SLC40A1: variants seen among roughly 807,000 people sequenced by gnomAD.
SLC40A1 encodes ferroportin.
A neutral mutation model predicts 53.5 loss-of-function variants in SLC40A1; 16 were observed. That is an observed-to-expected ratio of 0.30 (90% CI 0.20 to 0.45). SLC40A1 has a LOEUF of 0.45. Among genes scored for constraint, SLC40A1 ranks in the 20% least tolerant of loss-of-function variants. SLC40A1 has a pLI of 1.00. For missense variants in SLC40A1, 545 were observed against 695.4 expected, an observed-to-expected ratio of 0.78 and a Z score of 2.43; for synonymous variants, 247 against 253.2, an observed-to-expected ratio of 0.98 and a Z score of 0.23.
chr2:189,564,639 G>A (rs2030871690), intron 6 of SLC40A1, among the ~76,000 whole-genome samples: 2 of 152,124 alleles, frequency 1.3e-5, no homozygotes, highest in South Asian at 2.1e-4. Flanking sequence ...AGGAGATCAA[G>A]ACCATCCTGG....
At chr2:189,580,028 T>C (rs2031405968) in intron 1 of SLC40A1, 148 bp from the exon 2 acceptor site, 6 of 832,598 alleles carry the variant, frequency 7.2e-6, no homozygotes, top group South Asian at 4.4e-5. Context: ...AAGTTACCTA[T>C]GAACCGATGT....
intron 1 of SLC40A1, among the ~76,000 whole-genome samples, chr2:189,580,183 T>G (rs375818553): frequency 2.6e-5 from 4 of 152,162 alleles, no homozygotes; most frequent in Non-Finnish European, 5.9e-5. Flanking sequence ...GTTTCTTTTT[T>G]ACACAAGGCA....
chr2:189,566,769 A>T (rs1299973160), intron 5 of SLC40A1, among the ~76,000 whole-genome samples: 1 of 152,210 alleles, frequency 6.6e-6, no homozygotes, highest in African/African-American at 2.4e-5. Context: ...AAGCCAGGTC[A>T]TTGACGAAAG....
At chr2:189,569,394 T>G (rs942929728) in intron 5 of SLC40A1, among the ~76,000 whole-genome samples, 1 of 152,210 alleles carries the variant, frequency 6.6e-6, no homozygotes, top group African/African-American at 2.4e-5. Context: ...TCAGCCTGCA[T>G]AAACACAAAT....
At chr2:189,563,492 G>T in intron 7 of SLC40A1, 92 bp downstream of exon 7, 1 of 1,181,872 alleles carries the variant, frequency 8.5e-7, no homozygotes, top group South Asian at 1.6e-5. Context: ...TAACATTTAG[G>T]GAACATTTCA....
chr2:189,571,617 C>A (rs1366591576), intron 5 of SLC40A1, 98 bp downstream of exon 5: 2 of 1,535,856 alleles, frequency 1.3e-6, no homozygotes, highest in Non-Finnish European at 1.8e-6. Context: ...TTAAAAAATA[C>A]CCAGAACAAA....
In SLC40A1 at chr2:189,572,912, T is replaced by A; in HGVS notation, c.321A>T (p.Gly107=). ...VVQNVSVILC[G]IILMMVFLHK... Reference sequence around the variant, plus strand: ...GTAAGAAAACCATCATCAGGATGATTCCACACAGGATGACTGAAACATTCT... The same window carrying A: ...GTAAGAAAACCATCATCAGGATGATACCACACAGGATGACTGAAACATTCT... The change falls in exon 4 of 8, where the codon GGA becomes GGT. Residue 107 remains glycine (G), a synonymous_variant. Transcript: ENST00000261024. 1 of 1,614,042 alleles carries A rather than the reference T, an allele frequency of 6.2e-7. No individual in the cohort carries two copies. The highest frequency in any genetic ancestry group is 8.5e-7 in the Non-Finnish European group (1 of 1,179,922).
chr2:189,564,696 C>T (rs542774400), intron 6 of SLC40A1, among the ~76,000 whole-genome samples: 5 of 152,078 alleles, frequency 3.3e-5, no homozygotes, highest in South Asian at 2.1e-4. Context: ...AAAAATTAGC[C>T]GGGTGTGGTG....
chr2:189,572,619 C>T (rs967398506), intron 4 of SLC40A1: 6 of 582,982 alleles, frequency 1.0e-5, no homozygotes, highest in African/African-American at 9.4e-5. Flanking sequence ...CTTAGAAATG[C>T]CATTAGAAAC....
At position 189,568,358 on chromosome 2, in the gene SLC40A1, G is replaced by A. The variant is rs575517164; in HGVS notation, c.515-2759C>T. ...AAAAAAATTAGCCGGGCATGGTGGC[G>A]GGCGCCTGTAGTCACAGCTACTCAG... On this transcript the variant is annotated intron_variant, in intron 5 of 7. Transcript: ENST00000261024. Among the ~76,000 whole-genome samples the A allele has an allele frequency of 5.4e-3, 823 of 152,192 alleles. 2 individuals are homozygous for A. The highest frequency in any genetic ancestry group is 9.0e-3 in the Non-Finnish European group (613 of 68,004).
intron 3 of SLC40A1, among the ~76,000 whole-genome samples, chr2:189,573,286 A>G (rs1410183484): frequency 1.3e-5 from 2 of 152,222 alleles, no homozygotes; most frequent in Non-Finnish European, 2.9e-5. Context: ...TGATATAGAC[A>G]TGATCCACAT....
chr2:189,578,249 C>G (rs2031353212), intron 2 of SLC40A1: 1 of 998,984 alleles, frequency 1.0e-6, no homozygotes, highest in African/African-American at 1.7e-5. Flanking sequence ...CTTTTGCACT[C>G]CTTTGCAGCG....
At chr2:189,578,151 A>T in intron 2 of SLC40A1, 1 of 922,406 alleles carries the variant, frequency 1.1e-6, no homozygotes, top group Non-Finnish European at 1.3e-6. Context: ...ACAGAAACAT[A>T]AATGTTTTGT....
intron 5 of SLC40A1, among the ~76,000 whole-genome samples, chr2:189,569,969 T>A (rs1006346368): frequency 6.7e-6 from 1 of 149,136 alleles, no homozygotes; most frequent in African/African-American, 2.4e-5. Flanking sequence ...TGTATATATA[T>A]GTATGTATAT....
Position 189,561,209 on chromosome 2 carries a change from C to T in SLC40A1, c.*669G>A, listed in dbSNP as rs2030727632. The T allele has an allele frequency of 6.6e-6, 1 of 152,274 alleles. No individual in the cohort carries two copies. Among genetic ancestry groups the T allele is most frequent in the African/African-American group, 2.4e-5 (1 of 41,462 alleles). 9.4% of individuals were successfully genotyped at this position (152,274 alleles called of 1,614,324 possible). On this transcript the variant is annotated 3_prime_UTR_variant, in exon 8 of 8. Coordinates refer to ENST00000261024, the MANE Select transcript of SLC40A1 (RefSeq NM_014585.6). Reference sequence around the variant, plus strand: ...AATCTACTTTACAGCTTTGCTTCTACCTGCAGCTTACATGATAACCATGCT... The same window carrying T: ...AATCTACTTTACAGCTTTGCTTCTATCTGCAGCTTACATGATAACCATGCT...
intron 5 of SLC40A1, among the ~76,000 whole-genome samples, chr2:189,565,851 C>T (rs2030923385): frequency 6.6e-6 from 1 of 152,190 alleles, no homozygotes; most frequent in Non-Finnish European, 1.5e-5. Flanking sequence ...AAAATGAATA[C>T]AGCAGTGACT....
Position 189,572,973 on chromosome 2 carries a change from A to G in SLC40A1, c.272-12T>C. 6.4e-7 allele frequency: 1 copy of G among 1,558,908 alleles called. No homozygotes were observed. Among genetic ancestry groups the G allele is most frequent in the South Asian group, 1.1e-5 (1 of 89,992 alleles). Reference sequence around the variant, plus strand: ...CGAGGTCTGGGCCACTGTGCAGAGGAAGAGAGAAAGTGTACATTACATCAA... The same window carrying G: ...CGAGGTCTGGGCCACTGTGCAGAGGGAGAGAGAAAGTGTACATTACATCAA... On this transcript the variant is annotated splice_polypyrimidine_tract_variant and intron_variant, in intron 3 of 7. Transcript: ENST00000261024.
chr2:189,579,751 C>T (rs2031396720), intron 2 of SLC40A1, 62 bp downstream of exon 2: 16 of 1,448,140 alleles, frequency 1.1e-5, no homozygotes, highest in Non-Finnish European at 1.6e-5. Flanking sequence ...ATACAACTGG[C>T]TAGAACGAAA....
At chr2:189,567,505 A>G (rs2105623754) in intron 5 of SLC40A1, among the ~76,000 whole-genome samples, 1 of 152,358 alleles carries the variant, frequency 6.6e-6, no homozygotes, top group African/African-American at 2.4e-5. Context: ...ATTAAAATAA[A>G]ATAAAACCAA....
Sources: gnomAD v4.1 joint callset for allele counts (sites outside exome capture counted in the v4.1 genomes callset) on GRCh38, gnomAD v4.1.1 for gene constraint, MANE v1.5 for transcripts, NCBI Gene and HGNC (gene_info 2026-07-23, HGNC 2026-07-21) for gene names.